The following DPP10 variants were observed in gnomAD, a reference collection of about 807,000 sequenced individuals.
The protein encoded by DPP10 is inactive dipeptidyl peptidase 10.
In DPP10, 33 loss-of-function variants were observed where a neutral mutation model predicts 120.9. That is an observed-to-expected ratio of 0.27 (90% CI 0.21 to 0.37). The LOEUF (loss-of-function observed/expected upper bound fraction) is 0.37, where lower values mean the gene tolerates loss of function less well. Among genes scored for constraint, DPP10 ranks in the 10% least tolerant of loss-of-function variants. The pLI is 1.00. For synonymous variants in DPP10, 337 were observed against 326.1 expected (o/e 1.03, Z -0.36); for missense variants, 816 against 942.8 (o/e 0.87, Z 1.76).
In DPP10 at chr2:115,017,243, G is replaced by GA. The variant is rs111725939; in HGVS notation, c.61-291987dup. Among the ~76,000 whole-genome samples, 85 of 148,876 alleles carry GA rather than the reference G, an allele frequency of 5.7e-4. No individual in the cohort carries two copies. The East Asian group carries it at 7.9e-3, about 14-fold the overall frequency. On this transcript the variant is annotated intron_variant, in intron 1 of 25. Transcript: ENST00000410059. Reference sequence around the variant, plus strand: ...TTTAAAAAAATTAAAAAAAAAGAAAGAAAAAAAAATGCTCATCATCACTGG... The same window carrying GA: ...TTTAAAAAAATTAAAAAAAAAGAAAGAAAAAAAAAATGCTCATCATCACTGG...
At chr2:114,494,122 C>A (rs1403609676) in intron 1 of DPP10, among the ~76,000 whole-genome samples, 152 of 39,750 alleles carry the variant, frequency 3.8e-3, no homozygotes, top group African/African-American at 8.7e-3. Flanking sequence ...AAAAAAAAAA[C>A]CCAGCAAATT....
chr2:114,969,123 C>T (rs1285988535), intron 1 of DPP10, among the ~76,000 whole-genome samples: 1 of 152,142 alleles, frequency 6.6e-6, no homozygotes, highest in East Asian at 1.9e-4. Flanking sequence ...TTAATAGAAT[C>T]ATCTGATAGG....
intron 1 of DPP10, among the ~76,000 whole-genome samples, chr2:115,186,740 G>A (rs1041166842): frequency 6.6e-6 from 1 of 152,168 alleles, no homozygotes; most frequent in South Asian, 2.1e-4. Flanking sequence ...GGTAGGAGGA[G>A]CCATGTCATG....
At chr2:115,793,166 A>T (rs1225144399) in intron 19 of DPP10, among the ~76,000 whole-genome samples, 1 of 152,150 alleles carries the variant, frequency 6.6e-6, no homozygotes, top group Non-Finnish European at 1.5e-5. Context: ...GGCAAGGGGC[A>T]CTTGGGGTTT....
At chr2:115,549,234 G>T (rs1482727707) in intron 5 of DPP10, among the ~76,000 whole-genome samples, 1 of 152,102 alleles carries the variant, frequency 6.6e-6, no homozygotes, top group African/African-American at 2.4e-5. Flanking sequence ...TGATATCAAA[G>T]TCTATACGGT....
At chr2:115,750,196 A>T in intron 10 of DPP10, 5 of 984,366 alleles carry the variant, frequency 5.1e-6, no homozygotes, top group Non-Finnish European at 6.0e-6. Context: ...ATTTCCAGGT[A>T]AGGGTGCTTC....
intron 19 of DPP10, among the ~76,000 whole-genome samples, chr2:115,799,027 G>C (rs1162097260): frequency 6.6e-6 from 1 of 152,006 alleles, no homozygotes; most frequent in African/African-American, 2.4e-5. Context: ...ATTGGAAGTT[G>C]CTAGATCAGC....
At chr2:114,773,211 T>C (rs779233372) in intron 1 of DPP10, among the ~76,000 whole-genome samples, 1 of 152,138 alleles carries the variant, frequency 6.6e-6, no homozygotes, top group Non-Finnish European at 1.5e-5. Flanking sequence ...TGATTGGTAG[T>C]GGGAACAGCA....
rs911809300 is a variant in DPP10 at position 115,158,898 on chromosome 2, CTA to C, written c.61-150339_61-150338del. ...AAACATTATCAAGACAAAATTGTGACTATGTGCATGTAAAACTAGAGAGCACT... is the reference window on the plus strand; with the variant it reads ...AAACATTATCAAGACAAAATTGTGACTGTGCATGTAAAACTAGAGAGCACT... On this transcript the variant is annotated intron_variant, in intron 1 of 25. Transcript: ENST00000410059. Among the ~76,000 whole-genome samples the C allele has an allele frequency of 7.3e-5, 11 of 151,560 alleles. 1 individual carries two copies. The highest frequency in any genetic ancestry group is 2.4e-4 in the African/African-American group (10 of 41,208).
At chr2:114,754,032 T>G in intron 1 of DPP10, among the ~76,000 whole-genome samples, 1 of 152,090 alleles carries the variant, frequency 6.6e-6, no homozygotes, top group East Asian at 1.9e-4. Flanking sequence ...TGTAAAATGC[T>G]TAGTGATTAG....
At chr2:115,788,479 A>T (rs1286405225) in intron 17 of DPP10, among the ~76,000 whole-genome samples, 1 of 152,194 alleles carries the variant, frequency 6.6e-6, no homozygotes, top group African/African-American at 2.4e-5. Context: ...CCCTGACAAG[A>T]TCAATAAAGT....
intron 11 of DPP10, among the ~76,000 whole-genome samples, chr2:115,761,720 A>T (rs1680133267): frequency 6.6e-6 from 1 of 152,144 alleles, no homozygotes; most frequent in Admixed American, 6.6e-5. Context: ...GAAAAGAGAA[A>T]GTGACCAATT....
chr2:114,774,619 C>T (rs17043524), intron 1 of DPP10, among the ~76,000 whole-genome samples: 11,926 of 148,588 alleles, frequency 0.08, 626 homozygotes, highest in African/African-American at 0.14. Flanking sequence ...CAGAAGTTAA[C>T]TGCAAAACAG....
chr2:114,533,128 A>T (rs1021939691), intron 1 of DPP10, among the ~76,000 whole-genome samples: 2 of 152,174 alleles, frequency 1.3e-5, no homozygotes, highest in Non-Finnish European at 2.9e-5. Flanking sequence ...TATGAGGTGT[A>T]TGTATCATGG....
chr2:115,606,702 T>C (rs1333403494), intron 5 of DPP10, among the ~76,000 whole-genome samples: 1 of 152,158 alleles, frequency 6.6e-6, no homozygotes, highest in Non-Finnish European at 1.5e-5. Flanking sequence ...AAGTCAAAGT[T>C]AAAAACACAG....
At chr2:114,908,861 T>C (rs1465065779) in intron 1 of DPP10, among the ~76,000 whole-genome samples, 6 of 151,810 alleles carry the variant, frequency 4.0e-5, no homozygotes, top group Non-Finnish European at 7.4e-5. Flanking sequence ...ATAATATTAT[T>C]ATTTTAAAAT....
intron 1 of DPP10, chr2:115,162,265 G>A (rs1315705264): frequency 1.3e-6 from 2 of 1,557,688 alleles, no homozygotes; most frequent in Non-Finnish European, 1.7e-6. Context: ...GGGGAAGGGG[G>A]CAGAGAGGTA....
intron 1 of DPP10, among the ~76,000 whole-genome samples, chr2:115,033,706 T>TTA (rs937387684): frequency 6.0e-5 from 9 of 150,492 alleles, no homozygotes; most frequent in African/African-American, 1.5e-4. Context: ...CCTTTTTTTT[T>TTA]TTTTTATTTT....
intron 1 of DPP10, among the ~76,000 whole-genome samples, chr2:114,744,621 G>T (rs994928717): frequency 1.3e-5 from 2 of 152,222 alleles, no homozygotes; most frequent in African/African-American, 4.8e-5. Context: ...GCTACAAAAT[G>T]GTGTTACATG....
Sources: gnomAD v4.1 joint callset for allele counts (sites outside exome capture counted in the v4.1 genomes callset) on GRCh38, gnomAD v4.1.1 for gene constraint, MANE v1.5 for transcripts, NCBI Gene and HGNC (gene_info 2026-07-23, HGNC 2026-07-21) for gene names.